The following FATE1 variants were observed in gnomAD, a reference collection of about 807,000 sequenced individuals.
FATE1 encodes fetal and adult testis-expressed transcript protein.
A neutral mutation model predicts 16.0 loss-of-function variants in FATE1; 18 were observed. The ratio of observed to expected loss-of-function variants is 1.12; its 90% CI spans 0.78 to 1.66. FATE1 has a LOEUF of 1.66. FATE1 is among the 40% of genes most tolerant of loss of function. FATE1 has a pLI of 0.00. For missense variants in FATE1, 169 were observed against 152.7 expected (o/e 1.11, Z -0.56); for synonymous variants, 76 against 56.9 (o/e 1.34, Z -1.51).
chrX:151,722,520 G>T, intron 4 of FATE1, 108 bp from the exon 5 acceptor site: 1 of 1,121,833 alleles, frequency 8.9e-7, no homozygotes, highest in Non-Finnish European at 1.2e-6. Context: ...CACCGCCAAA[G>T]GGCAATCAAG....
chrX:151,717,735 C>T (rs569023228), intron 2 of FATE1, among the ~76,000 whole-genome samples: 4 of 109,371 alleles, frequency 3.7e-5, no homozygotes, highest in South Asian at 3.9e-4. Flanking sequence ...TGTGTGTGTG[C>T]GCGTGTATAC....
At chrX:151,718,763 CT>C (rs2015089198) in intron 2 of FATE1, among the ~76,000 whole-genome samples, 1 of 111,673 alleles carries the variant, frequency 9.0e-6, no homozygotes, top group African/African-American at 3.3e-5. Context: ...GTAGCCAGTG[CT>C]TTTCACCACA....
chrX:151,720,723 G>A (rs2015107833), intron 2 of FATE1, among the ~76,000 whole-genome samples: 1 of 112,072 alleles, frequency 8.9e-6, no homozygotes, highest in African/African-American at 3.2e-5. Flanking sequence ...AGCAGCTTGT[G>A]AAACATTTCA....
rs777107518 is a variant in FATE1 at position 151,716,110 on chromosome X, G to A, written c.-10G>A. 1 of 1,160,468 alleles carries A rather than the reference G, an allele frequency of 8.6e-7. No individual in the cohort carries two copies. The highest frequency in any genetic ancestry group is 1.9e-5 in the South Asian group (1 of 51,727). On this transcript the variant is annotated 5_prime_UTR_variant, in exon 1 of 5. Transcript: ENST00000370350. Reference sequence around the variant, plus strand: ...CTTAGCCATAGCTTACAAGAGAACAGCTGGTTGTGATGGCAGGAGGCCCTC... The same window carrying A: ...CTTAGCCATAGCTTACAAGAGAACAACTGGTTGTGATGGCAGGAGGCCCTC...
At chrX:151,722,230 G>A (rs1228109004) in intron 4 of FATE1, among the ~76,000 whole-genome samples, 1 of 111,553 alleles carries the variant, frequency 9.0e-6, no homozygotes, top group Non-Finnish European at 1.9e-5. Context: ...TGGAGGAAGA[G>A]GGAACATACA....
rs950808573 is a variant in FATE1 at position 151,716,359 on chromosome X, G to T, written c.106+134G>T. ...CACATCTGTGTGTTGGCCGGGCTTC[G>T]AGGATTTGTGGGTTGATGTAAGGGA... On this transcript the variant is annotated intron_variant, in intron 1 of 4. Coordinates refer to ENST00000370350, the MANE Select transcript of FATE1 (RefSeq NM_033085.3). The T allele has an allele frequency of 7.8e-6, 4 of 515,034 alleles. No individual in the cohort carries two copies. In the Admixed American group the frequency reaches 1.1e-4, roughly 15 times the overall value. 42.4% of individuals were successfully genotyped at this position (515,034 alleles called of 1,213,427 possible).
chrX:151,716,079 T>C lies in FATE1; in HGVS notation c.-41T>C. 1 of 1,101,367 alleles carries C rather than the reference T, an allele frequency of 9.1e-7. No homozygotes were observed. The highest frequency in any genetic ancestry group is 2.1e-5 in the South Asian group (1 of 48,709). The allele number at this position is 1,101,367 out of a possible 1,213,427, so 90.8% of individuals were successfully genotyped here. A position where few individuals can be genotyped will look rare whatever the true frequency, so the allele number is the denominator to read the frequency against. On this transcript the variant is annotated 5_prime_UTR_variant, in exon 1 of 5. Transcript: ENST00000370350. Reference sequence around the variant, plus strand: ...TGACTCCTCTGTTCCTGGCACCCTGTGCATCCTTAGCCATAGCTTACAAGA... The same window carrying C: ...TGACTCCTCTGTTCCTGGCACCCTGCGCATCCTTAGCCATAGCTTACAAGA...
At chrX:151,718,327 C>G (rs936756982) in intron 2 of FATE1, among the ~76,000 whole-genome samples, 1 of 112,084 alleles carries the variant, frequency 8.9e-6, no homozygotes, top group Non-Finnish European at 1.9e-5. Context: ...AAGCTACATT[C>G]AATATGGGTG....
intron 1 of FATE1, 100 bp downstream of exon 1, chrX:151,716,325 A>C: frequency 1.4e-6 from 1 of 707,611 alleles, no homozygotes; most frequent in East Asian, 3.7e-5. Context: ...GTGTGCACGG[A>C]AGTGTTTGCA....
Position 151,721,930 on chromosome X carries a change from G to T in FATE1, c.369G>T (p.Gln123His). Residue 123 changes from glutamine (Q) to histidine (H), a missense_variant, in exon 4 of 5, where the codon CAG (glutamine) becomes CAT (histidine). Gln to His is a conservative substitution (Grantham distance 24, BLOSUM62 0). Coordinates refer to ENST00000370350, the MANE Select transcript of FATE1 (RefSeq NM_033085.3). ...DRNPGTDAVA[Q>H]TSLEEFNVLE... ...ACCCAGGGACAGATGCAGTGGCGCA[G>T]ACTAGCCTGGAAGAGTTCAATGTAC... 8.3e-7 allele frequency: 1 copy of T among 1,211,281 alleles called. No homozygotes were observed. Among genetic ancestry groups the T allele is most frequent in the Non-Finnish European group, 1.1e-6 (1 of 895,406 alleles).
Position 151,722,676 on chromosome X carries a change from A to G in FATE1, c.469A>G (p.Thr157Ala), listed in dbSNP as rs748271468. 2 of 1,212,120 alleles carry G rather than the reference A, an allele frequency of 1.7e-6. No homozygotes were observed. The highest frequency in any genetic ancestry group is 2.2e-5 in the Admixed American group (1 of 46,184). ...GCGCGCCCTGGAGGAACAGGGCGCC[A>G]CCTGGCGCCACAGGGAGACCCTGAT... Reference protein sequence around the residue: ...RLRALEEQGATWRHRETLIIA... With the variant: ...RLRALEEQGAAWRHRETLIIA... Residue 157 changes from threonine (T) to alanine (A), a missense_variant, in exon 5 of 5, where the codon ACC becomes GCC. Physicochemically the swap from Thr to Ala is moderately conservative, Grantham distance 58. Transcript: ENST00000370350.
rs2015130206 is a variant in FATE1 at position 151,722,774 on chromosome X, C to T, written c.*15C>T. The T allele has an allele frequency of 1.7e-6, 2 of 1,198,372 alleles. No homozygotes were observed. Among genetic ancestry groups the T allele is most frequent in the Non-Finnish European group, 1.1e-6 (1 of 888,891 alleles). Reference sequence around the variant, plus strand: ...TGAACCAGTGATCGCCCCAGCGCGGCCTCCGTATTGGAGCCCTCCCTGCTT... The same window carrying T: ...TGAACCAGTGATCGCCCCAGCGCGGTCTCCGTATTGGAGCCCTCCCTGCTT... On this transcript the variant is annotated 3_prime_UTR_variant, in exon 5 of 5. Transcript: ENST00000370350.
Position 151,723,028 on chromosome X carries a change from C to A in FATE1, c.*269C>A. On this transcript the variant is annotated 3_prime_UTR_variant, in exon 5 of 5. Coordinates refer to ENST00000370350, the MANE Select transcript of FATE1 (RefSeq NM_033085.3). ...ACAGCATGGCGGCATCTGGGCCCCA[C>A]AGTAACACCTAGTGGCAACCTTGCC... The A allele has an allele frequency of 3.0e-6, 1 of 333,296 alleles. No homozygotes were observed. The highest frequency in any genetic ancestry group is 5.2e-6 in the Non-Finnish European group (1 of 191,928). The allele number at this position is 333,296 out of a possible 1,213,427, so 27.5% of individuals were successfully genotyped here.
rs1161937139 is a variant in FATE1, at chrX:151,716,224, AG to A, written c.106+1del. The A allele has an allele frequency of 8.6e-7, 1 of 1,164,310 alleles. No individual in the cohort carries two copies. The highest frequency in any genetic ancestry group is 1.8e-5 in the African/African-American group (1 of 56,358). ...AAAACCAAGAGCACCTGGTGATAGC[AG>A]GTGAGGATCCCCTAAAATACCCCTA... ...GENQEHLVIA[E>X]MMELGSRSRG... is the part of the protein sequence containing the mutation. On this transcript the variant is annotated frameshift_variant and splice_region_variant, in exon 1 of 5. Transcript: ENST00000370350. LOFTEE classifies it high-confidence loss of function.
At chrX:151,719,401 T>C (rs189334258) in intron 2 of FATE1, among the ~76,000 whole-genome samples, 1 of 111,993 alleles carries the variant, frequency 8.9e-6, no homozygotes, top group Non-Finnish European at 1.9e-5. Flanking sequence ...AGTTGGGACT[T>C]GGTGGGTTAA....
chrX:151,717,457 T>C, intron 2 of FATE1, 58 bp downstream of exon 2: 2 of 1,140,081 alleles, frequency 1.8e-6, no homozygotes, highest in Admixed American at 4.5e-5. Flanking sequence ...GTACTGGTTG[T>C]AGGGGCTCTA....
At chrX:151,718,149 G>GGGAA (rs2015080036) in intron 2 of FATE1, among the ~76,000 whole-genome samples, 1 of 93,823 alleles carries the variant, frequency 1.1e-5, no homozygotes, top group Non-Finnish European at 2.2e-5. Context: ...AGGAAGGAAG[G>GGGAA]AAGGAAGGAA....
rs764668557 is a variant in FATE1, at chrX:151,722,649, C to A, written c.442C>A (p.Leu148Met). The change falls in exon 5 of 5, where the codon CTG (leucine) becomes ATG (methionine). Residue 148 changes from leucine (L) to methionine (M), a missense_variant. Physicochemically the swap from Leu to Met is conservative, Grantham distance 15. Coordinates refer to ENST00000370350, the MANE Select transcript of FATE1 (RefSeq NM_033085.3). Reference protein sequence around the residue: ...RRQLYAVNRRLRALEEQGATW... With the variant: ...RRQLYAVNRRMRALEEQGATW... ...GCAGCTGTATGCAGTCAACCGGCGT[C>A]TGCGCGCCCTGGAGGAACAGGGCGC... The A allele has an allele frequency of 2.5e-6, 3 of 1,212,388 alleles. No homozygotes were observed. In the Admixed American group the frequency reaches 6.5e-5, roughly 26 times the overall value.
At chrX:151,717,210 T>C (rs912747765) in intron 1 of FATE1, 62 bp from the exon 2 acceptor site, 1 of 1,157,711 alleles carries the variant, frequency 8.6e-7, no homozygotes, top group Non-Finnish European at 1.2e-6. Context: ...GTGTGTTTTG[T>C]GCCCAAGAAA....
Sources: allele counts gnomAD v4.1 joint callset (sites outside exome capture counted in the v4.1 genomes callset), GRCh38; gene constraint gnomAD v4.1.1; transcripts MANE v1.5; gene names NCBI Gene and HGNC (gene_info 2026-07-23, HGNC 2026-07-21).